The following LRP4 variants were observed in gnomAD, a reference collection of about 807,000 sequenced individuals.
The protein encoded by LRP4 is low-density lipoprotein receptor-related protein 4.
In LRP4, 95 loss-of-function variants were observed where a neutral mutation model predicts 220.3. The observed-to-expected ratio is 0.43, with a 90% CI of 0.37 to 0.51. LRP4 has a LOEUF of 0.51. LRP4 is among the 20% of genes least tolerant of loss of function. The pLI is 0.00. For missense variants in LRP4, 1,925 were observed against 2,567.0 expected (o/e 0.75, Z 5.40); for synonymous variants, 903 against 954.6 (o/e 0.95, Z 1.00).
At position 46,895,304 on chromosome 11, in the gene LRP4, G is replaced by A; in HGVS notation, c.1184-13C>T. 6.2e-7 allele frequency: 1 copy of A among 1,611,672 alleles called. No individual in the cohort carries two copies. Among genetic ancestry groups the A allele is most frequent in the East Asian group, 2.2e-5 (1 of 44,870 alleles). On this transcript the variant is annotated splice_polypyrimidine_tract_variant and intron_variant, in intron 10 of 37. Coordinates refer to ENST00000378623, the MANE Select transcript of LRP4 (RefSeq NM_002334.4). Reference sequence around the variant, plus strand: ...CATTCATTCACATCTGGGAACACCAGGCAGGTCAAGAGATCTCCCTTCTGT... The same window carrying A: ...CATTCATTCACATCTGGGAACACCAAGCAGGTCAAGAGATCTCCCTTCTGT...
In LRP4 at chr11:46,890,180, G is replaced by A; in HGVS notation, c.1916-60C>T. On this transcript the variant is annotated intron_variant, in intron 14 of 37. Coordinates refer to ENST00000378623, the MANE Select transcript of LRP4 (RefSeq NM_002334.4). This position sits in a 1 kb window ranked among gnomAD's most constrained non-coding sequence, Gnocchi z 5.3. ...TGGTCTGCCATGTCCCCTGGGCCCA[G>A]GCCTGGCAACTACACAAAACCTCTA... 3.1e-6 allele frequency: 5 copies of A among 1,608,416 alleles called. No individual in the cohort carries two copies. The South Asian group carries it at 5.5e-5, about 18-fold the overall frequency.
At chr11:46,895,027 G>T in intron 11 of LRP4, 139 bp downstream of exon 11, 1 of 1,344,196 alleles carries the variant, frequency 7.4e-7, no homozygotes, top group Non-Finnish European at 1.1e-6. Context: ...TTTTTCTTGG[G>T]GCTCAGAATG....
chr11:46,885,628 C>A (rs547864548), intron 18 of LRP4, among the ~76,000 whole-genome samples: 2 of 151,994 alleles, frequency 1.3e-5, no homozygotes, highest in Admixed American at 1.3e-4. Context: ...AAAACTTAGC[C>A]GGGCATGGTG....
chr11:46,899,545 C>T lies in LRP4; in HGVS notation c.431-42G>A. ...GGACAGCAGTTCTGAGGGGGCCCCA[C>T]AGGCAACCCTCTCACCCTCCTCTCT... On this transcript the variant is annotated intron_variant, in intron 4 of 37. Coordinates refer to ENST00000378623, the MANE Select transcript of LRP4 (RefSeq NM_002334.4). The surrounding 1 kb of genome is among the most constrained non-coding windows in gnomAD (Gnocchi z 5.9). 7.3e-7 allele frequency: 1 copy of T among 1,367,244 alleles called. No individual in the cohort carries two copies. Among genetic ancestry groups the T allele is most frequent in the Non-Finnish European group, 1.0e-6 (1 of 960,648 alleles). 84.7% of individuals were successfully genotyped at this position (1,367,244 alleles called of 1,614,324 possible).
At chr11:46,888,150 C>T (rs1221828304) in intron 16 of LRP4, among the ~76,000 whole-genome samples, 1 of 150,884 alleles carries the variant, frequency 6.6e-6, no homozygotes, top group African/African-American at 2.4e-5. Flanking sequence ...GGTGAAACCT[C>T]ATCTCTACTA....
intron 34 of LRP4, among the ~76,000 whole-genome samples, chr11:46,867,448 T>C (rs1940733923): frequency 6.6e-6 from 1 of 152,178 alleles, no homozygotes; most frequent in Non-Finnish European, 1.5e-5. Flanking sequence ...TTCTTTTTTT[T>C]GTTGTTTTAT....
At chr11:46,911,595 AAAAAATAAAT>A (rs1376814240) in intron 1 of LRP4, among the ~76,000 whole-genome samples, 2 of 89,132 alleles carry the variant, frequency 2.2e-5, no homozygotes, top group East Asian at 4.3e-4. Context: ...TCTCAAAAAA[AAAAAATAAAT>A]AAATAAATAA....
In LRP4 at chr11:46,889,926, C is replaced by A. The variant is rs770051637; in HGVS notation, c.2092+18G>T. ...AACCATGAGGCTACTTTGGCTCACC[C>A]GGTGGGCAGTTTTTTACCTGCAGGT... On this transcript the variant is annotated intron_variant, in intron 15 of 37. Coordinates refer to ENST00000378623, the MANE Select transcript of LRP4 (RefSeq NM_002334.4). 2.5e-6 allele frequency: 4 copies of A among 1,613,994 alleles called. No homozygotes were observed. The highest frequency in any genetic ancestry group is 3.4e-6 in the Non-Finnish European group (4 of 1,180,022).
chr11:46,900,750 C>G (rs1941649334), intron 2 of LRP4, among the ~76,000 whole-genome samples: 1 of 151,456 alleles, frequency 6.6e-6, no homozygotes. Flanking sequence ...CTCAGCCTCC[C>G]AAAGTGCTGG....
chr11:46,875,124 TA>T lies in LRP4; in HGVS notation c.3926-22del, dbSNP rs1940974087. On this transcript the variant is annotated intron_variant, in intron 27 of 37. Coordinates refer to ENST00000378623, the MANE Select transcript of LRP4 (RefSeq NM_002334.4). This position sits in a 1 kb window ranked among gnomAD's most constrained non-coding sequence, Gnocchi z 4.5. The stretch of plus-strand genomic sequence containing the variant: ...AAAACCTGGTGATGAGAAGCACAAG[TA>T]TTCACACCTAGCCTGGAACATCATC... 1 of 1,607,162 alleles carries T rather than the reference TA, an allele frequency of 6.2e-7. No individual in the cohort carries two copies. Among genetic ancestry groups the T allele is most frequent in the African/African-American group, 1.3e-5 (1 of 74,788 alleles).
At chr11:46,905,675 AC>A (rs2092549919) in intron 1 of LRP4, among the ~76,000 whole-genome samples, 1 of 151,822 alleles carries the variant, frequency 6.6e-6, no homozygotes, top group South Asian at 2.1e-4. Flanking sequence ...ATGTGGTGAA[AC>A]CCCCGTCTCT....
In LRP4 at chr11:46,900,296, G is replaced by A. The variant is rs17848224; in HGVS notation, c.282C>T (p.Asn94=). 4.8e-4 allele frequency: 776 copies of A among 1,614,020 alleles called. 10 individuals are homozygous for A. The East Asian group carries it at 0.017, about 35-fold the overall frequency. The change falls in exon 3 of 38, where the codon AAC becomes AAT. Residue 94 remains asparagine (N), a synonymous_variant. Coordinates refer to ENST00000378623, the MANE Select transcript of LRP4 (RefSeq NM_002334.4). ...GCTCATCCGAGTCATCCTCACAGTC[G>A]TTGTCCCCGTCACACACCCAGGAGC... ...IRRSWVCDGD[N]DCEDDSDEQD... is the part of the protein sequence containing the mutation.
At chr11:46,871,290 C>G (rs1940853150) in intron 31 of LRP4, among the ~76,000 whole-genome samples, 1 of 152,146 alleles carries the variant, frequency 6.6e-6, no homozygotes, top group South Asian at 2.1e-4. Flanking sequence ...TTCTGTATAC[C>G]ACTCTTTGAG....
At chr11:46,894,375 CTGA>C (rs1941480672) in intron 12 of LRP4, among the ~76,000 whole-genome samples, 1 of 152,240 alleles carries the variant, frequency 6.6e-6, no homozygotes, top group Non-Finnish European at 1.5e-5. Flanking sequence ...ATTATTCTCA[CTGA>C]TTGAGCTCAA....
At chr11:46,904,490 T>TGGATGGAC (rs747360489) in intron 1 of LRP4, among the ~76,000 whole-genome samples, 2 of 146,898 alleles carry the variant, frequency 1.4e-5, no homozygotes, top group South Asian at 4.2e-4. Flanking sequence ...CATGGATGGA[T>TGGATGGAC]GGATGGATGG....
At chr11:46,885,155 A>T (rs10838628) in intron 18 of LRP4, among the ~76,000 whole-genome samples, 24,751 of 149,436 alleles carry the variant, frequency 0.17, 2,760 homozygotes, top group East Asian at 0.61. Context: ...CAGGCTAATT[A>T]AAAAAAAAAA....
chr11:46,884,508 G>A (rs554710264), intron 18 of LRP4, among the ~76,000 whole-genome samples: 10 of 151,850 alleles, frequency 6.6e-5, no homozygotes, highest in Non-Finnish European at 7.4e-5. Context: ...AGGCCGAGGC[G>A]GGTGGATCAC....
intron 18 of LRP4, 85 bp from the exon 19 acceptor site, chr11:46,884,061 C>G: frequency 9.5e-7 from 1 of 1,051,550 alleles, no homozygotes; most frequent in Non-Finnish European, 1.5e-6. Flanking sequence ...GCCTGGTATG[C>G]GCCAGCAGAG....
chr11:46,911,147 A>G (rs1490984793), intron 1 of LRP4, among the ~76,000 whole-genome samples: 1 of 152,194 alleles, frequency 6.6e-6, no homozygotes, highest in Non-Finnish European at 1.5e-5. Flanking sequence ...ATGAAATAAT[A>G]CGTATGAGGT....
Sources: gnomAD v4.1 joint callset for allele counts (sites outside exome capture counted in the v4.1 genomes callset) on GRCh38, gnomAD v4.1.1 for gene constraint, Gnocchi (gnomAD v3.1) non-coding constraint, MANE v1.5 for transcripts, NCBI Gene and HGNC (gene_info 2026-07-23, HGNC 2026-07-21) for gene names.